NLRC5: variants seen among roughly 807,000 people sequenced by gnomAD.
The protein encoded by NLRC5 is protein NLRC5.
NLRC5 carries 114 observed loss-of-function variants against 206.9 expected under a neutral mutation model. The observed-to-expected ratio is 0.55, with a 90% CI of 0.47 to 0.64. The LOEUF is 0.64. Among genes scored for constraint, NLRC5 ranks in the 30% least tolerant of loss-of-function variants. The pLI, the probability that NLRC5 is intolerant of heterozygous loss-of-function variation, is 0.00. For missense variants in NLRC5, 2,008 were observed against 2,305.5 expected (o/e 0.87, Z 2.64); for synonymous variants, 952 against 962.8 (o/e 0.99, Z 0.21).
At position 57,025,481 on chromosome 16, in the gene NLRC5, A is replaced by G. The variant is rs1338925865; in HGVS notation, c.538A>G (p.Ile180Val). The change falls in exon 6 of 49, where the codon ATC (isoleucine) becomes GTC (valine). Residue 180 changes from isoleucine to valine, a missense_variant. Coordinates refer to ENST00000688547, the MANE Select transcript of NLRC5 (RefSeq NM_001384950.1). ...CTTCCACCAGGTCTATGTCCCTCCA[A>G]TCCTGCGCCGGGCCACAGCATCCTT... is the stretch of plus-strand genomic sequence containing the variant. ...HAFHQVYVPP[I>V]LRRATASLDT... 4 of 1,612,828 alleles carry G rather than the reference A, an allele frequency of 2.5e-6. No individual in the cohort carries two copies. In the African/African-American group the frequency reaches 5.3e-5, roughly 22 times the overall value.
intron 38 of NLRC5, among the ~76,000 whole-genome samples, chr16:57,073,679 C>T (rs907714643): frequency 2.6e-5 from 4 of 152,304 alleles, no homozygotes; most frequent in South Asian, 4.1e-4. Flanking sequence ...CTGCAACCTC[C>T]GCCTCCCGGG....
intron 20 of NLRC5, among the ~76,000 whole-genome samples, chr16:57,044,006 A>G (rs1223993118): frequency 6.6e-6 from 1 of 152,076 alleles, no homozygotes; most frequent in African/African-American, 2.4e-5. Context: ...GAGACTTTTA[A>G]GAAAACTGGG....
At chr16:57,010,876 T>C (rs1467143963) in intron 1 of NLRC5, among the ~76,000 whole-genome samples, 5 of 151,892 alleles carry the variant, frequency 3.3e-5, no homozygotes, top group Admixed American at 2.0e-4. Flanking sequence ...TTCTAGTTTT[T>C]AATGTAAATG....
chr16:57,043,451 G>A, intron 19 of NLRC5, 64 bp from the exon 20 acceptor site: 1 of 1,257,702 alleles, frequency 8.0e-7, no homozygotes, highest in Non-Finnish European at 1.2e-6. Flanking sequence ...CCTGTGCCCT[G>A]ACCACAAAGA....
intron 32 of NLRC5, among the ~76,000 whole-genome samples, chr16:57,063,432 C>G (rs1186173372): frequency 2.6e-5 from 4 of 152,080 alleles, no homozygotes; most frequent in Admixed American, 2.6e-4. Flanking sequence ...TTTTTTAAGG[C>G]TGCATAATAT....
At chr16:57,048,794 A>G (rs760013350) in intron 23 of NLRC5, among the ~76,000 whole-genome samples, 31 of 152,286 alleles carry the variant, frequency 2.0e-4, no homozygotes, top group Non-Finnish European at 3.7e-4. Context: ...TCAGCCTCCC[A>G]AAGTGTTGGG....
intron 45 of NLRC5, 95 bp from the exon 46 acceptor site, chr16:57,079,451 C>A: frequency 1.4e-6 from 2 of 1,383,968 alleles, no homozygotes; most frequent in Middle Eastern, 1.8e-4. Flanking sequence ...AAACGCCTAG[C>A]TTACCCCAGA....
Position 57,054,781 on chromosome 16 carries a change from C to G in NLRC5, c.3537C>G (p.Ser1179Arg). Reference protein sequence around the residue: ...QLSQTGLSPKSPFLLANTLSL... With the variant: ...QLSQTGLSPKRPFLLANTLSL... ...GCCAGACGGGACTGTCCCCGAAAAG[C>G]CCCTTCCTGCTGGCCAACACCTTAA... The change falls in exon 25 of 49, where the codon AGC becomes AGG. Residue 1179 changes from serine (S) to arginine (R), a missense_variant. Physicochemically the swap from Ser to Arg is moderately radical, Grantham distance 110. Coordinates refer to ENST00000688547, the MANE Select transcript of NLRC5 (RefSeq NM_001384950.1). 1 of 1,614,198 alleles carries G rather than the reference C, an allele frequency of 6.2e-7. No homozygotes were observed. The highest frequency in any genetic ancestry group is 8.5e-7 in the Non-Finnish European group (1 of 1,180,030).
At chr16:57,055,577 G>T in intron 27 of NLRC5, 58 bp downstream of exon 27, 1 of 1,418,832 alleles carries the variant, frequency 7.0e-7, no homozygotes, top group South Asian at 1.2e-5. Context: ...GAGGGGCACT[G>T]AAGGGGGTAT....
chr16:57,042,049 G>A lies in NLRC5; in HGVS notation c.3097G>A (p.Ala1033Thr), dbSNP rs201535270. 396 of 1,565,144 alleles carry A rather than the reference G, an allele frequency of 2.5e-4. No homozygotes were observed. The highest frequency in any genetic ancestry group is 3.2e-4 in the Non-Finnish European group (373 of 1,159,450). The stretch of plus-strand genomic sequence containing the variant: ...GGCTCAGCTGCTCCCAGGGCTGGGA[G>A]CTCTGCAGTCCTTGAAGTGAGTAGC... Reference protein sequence around the residue: ...RLAQLLPGLGALQSLNLSENG... With the variant: ...RLAQLLPGLGTLQSLNLSENG... The change falls in exon 19 of 49, where the codon GCT becomes ACT. Residue 1033 changes from alanine (A) to threonine (T), a missense_variant. Physicochemically the swap from Ala to Thr is moderately conservative, Grantham distance 58. Transcript: ENST00000688547.
intron 23 of NLRC5, among the ~76,000 whole-genome samples, chr16:57,048,886 C>G (rs2064396449): frequency 6.6e-6 from 1 of 152,072 alleles, no homozygotes; most frequent in African/African-American, 2.4e-5. Flanking sequence ...GGTCAGTGGT[C>G]CCTGATTGTC....
chr16:57,010,346 A>G (rs1446612650), intron 1 of NLRC5, among the ~76,000 whole-genome samples: 1 of 152,104 alleles, frequency 6.6e-6, no homozygotes, highest in Non-Finnish European at 1.5e-5. Context: ...GTAAAATGAA[A>G]TATTTTCTCA....
intron 10 of NLRC5, among the ~76,000 whole-genome samples, chr16:57,031,144 A>C (rs991314087): frequency 6.6e-6 from 1 of 152,092 alleles, no homozygotes; most frequent in Non-Finnish European, 1.5e-5. Flanking sequence ...AACATTCTTA[A>C]TTTTTATTAT....
chr16:57,045,949 CTTCAT>C (rs2063904421), intron 21 of NLRC5, among the ~76,000 whole-genome samples: 1 of 152,248 alleles, frequency 6.6e-6, no homozygotes. Flanking sequence ...TAGTTTAGCT[CTTCAT>C]GATGTTCCCG....
chr16:57,028,446 G>A, intron 8 of NLRC5, 61 bp downstream of exon 8: 1 of 1,329,004 alleles, frequency 7.5e-7, no homozygotes, highest in Non-Finnish European at 1.1e-6. Flanking sequence ...AGGTCCCAGA[G>A]TCCCCCTGGG....
chr16:57,072,626 C>G (rs916206443), intron 38 of NLRC5, among the ~76,000 whole-genome samples: 1 of 144,798 alleles, frequency 6.9e-6, no homozygotes, highest in South Asian at 2.3e-4. Context: ...CCGTCCTGCA[C>G]AGATTCCTGT....
chr16:57,033,705 T>C, intron 12 of NLRC5, 36 bp downstream of exon 12: 1 of 1,592,172 alleles, frequency 6.3e-7, no homozygotes, highest in African/African-American at 1.3e-5. Context: ...AGGAGAGGGA[T>C]ATGATATGGG....
At chr16:57,044,582 T>C (rs2063705992) in intron 20 of NLRC5, among the ~76,000 whole-genome samples, 1 of 152,064 alleles carries the variant, frequency 6.6e-6, no homozygotes, top group African/African-American at 2.4e-5. Flanking sequence ...CCAGAGCCTC[T>C]CCAGGCCTCA....
intron 38 of NLRC5, among the ~76,000 whole-genome samples, chr16:57,071,457 T>G (rs1273939470): frequency 1.8e-5 from 2 of 108,652 alleles, no homozygotes; most frequent in Non-Finnish European, 3.6e-5. Context: ...GAGTGAGTGG[T>G]GTTGGTGGTT....
Sources: allele counts gnomAD v4.1 joint callset (sites outside exome capture counted in the v4.1 genomes callset), GRCh38; gene constraint gnomAD v4.1.1; transcripts MANE v1.5; gene names NCBI Gene and HGNC (gene_info 2026-07-23, HGNC 2026-07-21).